Variants in USP6NL observed in about 807,000 individuals in gnomAD.
USP6NL encodes the protein USP6 N-terminal-like protein.
A neutral mutation model predicts 61.9 loss-of-function variants in USP6NL; 26 were observed. The observed-to-expected ratio is 0.42, with a 90% CI of 0.31 to 0.58. The LOEUF (loss-of-function observed/expected upper bound fraction) is 0.58, where lower values mean the gene tolerates loss of function less well. Ranked by LOEUF, USP6NL falls within the 20% of genes least tolerant of loss-of-function variation. USP6NL has a pLI of 0.16. For missense variants in USP6NL, 1,114 were observed against 1,034.3 expected, an observed-to-expected ratio of 1.08 and a Z score of -1.06; for synonymous variants, 432 against 390.1, an observed-to-expected ratio of 1.11 and a Z score of -1.27.
At position 11,587,666 on chromosome 10, in the gene USP6NL, G is replaced by A. The variant is rs1838021408; in HGVS notation, c.4+9965C>T. 6.6e-6 allele frequency among the ~76,000 whole-genome samples: 1 copy of A among 152,034 alleles called. No homozygotes were observed. Among genetic ancestry groups the A allele is most frequent in the Admixed American group, 6.5e-5 (1 of 15,276 alleles). On this transcript the variant is annotated intron_variant, in intron 2 of 14. Coordinates refer to ENST00000609104, the MANE Select transcript of USP6NL (RefSeq NM_014688.5). This position sits in a 1 kb window ranked among gnomAD's most constrained non-coding sequence, Gnocchi z 4.5. ...CTGTTTTATTATTATAAAATAATTCGATTCAATACTGCTATACTTTATACC... is the reference window on the plus strand; with the variant it reads ...CTGTTTTATTATTATAAAATAATTCAATTCAATACTGCTATACTTTATACC...
chr10:11,538,219 GATTTT>G (rs1835912021), intron 2 of USP6NL, among the ~76,000 whole-genome samples: 1 of 152,124 alleles, frequency 6.6e-6, no homozygotes, highest in African/African-American at 2.4e-5. Context: ...ATGCTGACAA[GATTTT>G]ATTATAACAG....
Position 11,562,301 on chromosome 10 carries a change from G to T in USP6NL, c.5-34734C>A. On this transcript the variant is annotated intron_variant, in intron 2 of 14. Coordinates refer to ENST00000609104, the MANE Select transcript of USP6NL (RefSeq NM_014688.5). The surrounding 1 kb of genome is among the most constrained non-coding windows in gnomAD (Gnocchi z 4.8). ...AAAATTGCATTCCCAGGACCCCCCT[G>T]CAGCTAGCAGCAGCCATGTGACACA... 1.2e-6 allele frequency: 1 copy of T among 803,864 alleles called. No homozygotes were observed. The highest frequency in any genetic ancestry group is 1.5e-6 in the Non-Finnish European group (1 of 664,602). The allele number at this position is 803,864 out of a possible 1,614,324, so 49.8% of individuals were successfully genotyped here.
At chr10:11,556,396 G>A (rs947256001) in intron 2 of USP6NL, among the ~76,000 whole-genome samples, 1 of 152,076 alleles carries the variant, frequency 6.6e-6, no homozygotes, top group Non-Finnish European at 1.5e-5. Flanking sequence ...CATGTAGAAA[G>A]ATAGAAACAG....
In USP6NL at chr10:11,520,243, T is replaced by G. The variant is rs926473644; in HGVS notation, c.156-1669A>C. 1.3e-5 allele frequency among the ~76,000 whole-genome samples: 2 copies of G among 152,106 alleles called. No individual in the cohort carries two copies. Among genetic ancestry groups the G allele is most frequent in the Non-Finnish European group, 2.9e-5 (2 of 68,024 alleles). ...GATTCTCAAGAAGAAACGAAACTGGTTACAAATAAAAAAGTCTTCAGACCT... is the reference window on the plus strand; with the variant it reads ...GATTCTCAAGAAGAAACGAAACTGGGTACAAATAAAAAAGTCTTCAGACCT... On this transcript the variant is annotated intron_variant, in intron 4 of 14. Coordinates refer to ENST00000609104, the MANE Select transcript of USP6NL (RefSeq NM_014688.5). The surrounding 1 kb of genome is among the most constrained non-coding windows in gnomAD (Gnocchi z 5.2).
rs1291422005 is a variant in USP6NL, at chr10:11,485,384, T to A, written c.760-150A>T. 1.6e-6 allele frequency: 1 copy of A among 636,284 alleles called. No individual in the cohort carries two copies. Among genetic ancestry groups the A allele is most frequent in the African/African-American group, 1.8e-5 (1 of 54,102 alleles). The allele number at this position is 636,284 out of a possible 1,614,324, so 39.4% of individuals were successfully genotyped here. On this transcript the variant is annotated intron_variant, in intron 11 of 14. Transcript: ENST00000609104. This position sits in a 1 kb window ranked among gnomAD's most constrained non-coding sequence, Gnocchi z 4.8. ...TCCAAGAATAAATTCCTCTTAGGAC[T>A]GTAATACAACAATTAGATTCTCTTT...
At chr10:11,544,067 T>C (rs1250493078) in intron 2 of USP6NL, among the ~76,000 whole-genome samples, 1 of 152,148 alleles carries the variant, frequency 6.6e-6, no homozygotes, top group Middle Eastern at 3.2e-3. Context: ...TGCCTCGGCC[T>C]CCCAAAGTGT....
intron 2 of USP6NL, among the ~76,000 whole-genome samples, chr10:11,586,734 G>A (rs544514628): frequency 7.2e-5 from 11 of 152,042 alleles, no homozygotes; most frequent in Admixed American, 2.0e-4. Flanking sequence ...GAAGAAAATC[G>A]ATTAGTTTAA....
At chr10:11,544,730 C>T (rs1031935009) in intron 2 of USP6NL, among the ~76,000 whole-genome samples, 2 of 152,026 alleles carry the variant, frequency 1.3e-5, no homozygotes, top group Non-Finnish European at 2.9e-5. Flanking sequence ...CTCACGTGAT[C>T]CACCCGCCTC....
intron 6 of USP6NL, among the ~76,000 whole-genome samples, chr10:11,503,039 T>C (rs1034060455): frequency 2.0e-5 from 3 of 152,206 alleles, no homozygotes; most frequent in Non-Finnish European, 4.4e-5. Context: ...TTATGATCTA[T>C]ACCACTTCAC....
In USP6NL at chr10:11,525,269, ATTG is replaced by A; in HGVS notation, c.155+114_155+116del. Reference sequence around the variant, plus strand: ...CTAGGAATTTAGTATCAAAACGCATATTGTAAGACTATTCCTTATTCACAGCAA... The same window carrying A: ...CTAGGAATTTAGTATCAAAACGCATATAAGACTATTCCTTATTCACAGCAA... On this transcript the variant is annotated intron_variant, in intron 4 of 14. Coordinates refer to ENST00000609104, the MANE Select transcript of USP6NL (RefSeq NM_014688.5). The surrounding 1 kb of genome is among the most constrained non-coding windows in gnomAD (Gnocchi z 5.0). 1.4e-6 allele frequency: 1 copy of A among 737,866 alleles called. No individual in the cohort carries two copies. 45.7% of individuals were successfully genotyped at this position (737,866 alleles called of 1,614,324 possible).
intron 7 of USP6NL, among the ~76,000 whole-genome samples, chr10:11,493,584 C>T (rs1388103692): frequency 1.3e-5 from 2 of 152,232 alleles, no homozygotes; most frequent in African/African-American, 2.4e-5. Context: ...TTGTTTCTTT[C>T]CAGGATGATG....
At chr10:11,610,866 CT>C (rs1564249208) in intron 1 of USP6NL, among the ~76,000 whole-genome samples, 2 of 152,104 alleles carry the variant, frequency 1.3e-5, no homozygotes. Context: ...AGTAAAACAC[CT>C]GCGAGGAACC....
intron 8 of USP6NL, among the ~76,000 whole-genome samples, chr10:11,492,848 C>T (rs975366167): frequency 2.6e-5 from 4 of 152,158 alleles, no homozygotes; most frequent in African/African-American, 9.7e-5. Context: ...TCTTCTATGA[C>T]TTCTAATAAA....
chr10:11,534,399 C>T (rs777039085), intron 2 of USP6NL, among the ~76,000 whole-genome samples: 48 of 152,164 alleles, frequency 3.2e-4, no homozygotes, highest in South Asian at 2.1e-3. Flanking sequence ...AAACAGGATC[C>T]GTAACATTGC....
intron 2 of USP6NL, among the ~76,000 whole-genome samples, chr10:11,549,799 T>G (rs1566174174): frequency 6.6e-6 from 1 of 152,228 alleles, no homozygotes; most frequent in Non-Finnish European, 1.5e-5. Context: ...TCTCTTCTAC[T>G]TTACCAACAC....
chr10:11,571,087 C>CT (rs34320297), intron 2 of USP6NL, among the ~76,000 whole-genome samples: 55,268 of 145,502 alleles, frequency 0.38, 11,002 homozygotes, highest in East Asian at 0.67. Flanking sequence ...CAAAATAATT[C>CT]TTTTTTTTTT....
chr10:11,543,656 AT>A (rs1424514946), intron 2 of USP6NL, among the ~76,000 whole-genome samples: 1 of 152,128 alleles, frequency 6.6e-6, no homozygotes, highest in Non-Finnish European at 1.5e-5. Flanking sequence ...TAGAATGTAA[AT>A]TTCCAGAGAA....
At chr10:11,497,334 C>T (rs542897374) in intron 7 of USP6NL, among the ~76,000 whole-genome samples, 2 of 149,822 alleles carry the variant, frequency 1.3e-5, no homozygotes, top group African/African-American at 4.9e-5. Flanking sequence ...TGGTGTGAAC[C>T]CGGGAGGCGG....
In USP6NL at chr10:11,518,688, T is replaced by C; in HGVS notation, c.156-114A>G. 1.3e-6 allele frequency: 1 copy of C among 755,336 alleles called. No individual in the cohort carries two copies. The highest frequency in any genetic ancestry group is 2.1e-6 in the Non-Finnish European group (1 of 469,996). 46.8% of individuals were successfully genotyped at this position (755,336 alleles called of 1,614,324 possible). On this transcript the variant is annotated intron_variant, in intron 4 of 14. Transcript: ENST00000609104. This position sits in a 1 kb window ranked among gnomAD's most constrained non-coding sequence, Gnocchi z 5.3. ...AATATTTATTTGTCATCACAAGAGT[T>C]ACATAGGCTTCCATTCATTGAATTC... is the stretch of plus-strand genomic sequence containing the variant.
Sources: allele counts gnomAD v4.1 joint callset (sites outside exome capture counted in the v4.1 genomes callset), GRCh38; gene constraint gnomAD v4.1.1; non-coding constraint Gnocchi (gnomAD v3.1); transcripts MANE v1.5; gene names NCBI Gene and HGNC (gene_info 2026-07-23, HGNC 2026-07-21).